The following LSP1 variants were observed in gnomAD, a reference collection of about 807,000 sequenced individuals.
LSP1 encodes the protein lymphocyte-specific protein 1.
In LSP1, 32 loss-of-function variants were observed where a neutral mutation model predicts 49.3. That is an observed-to-expected ratio of 0.65 (90% CI 0.49 to 0.87). LSP1 has a LOEUF of 0.87. LSP1 is among the 40% of genes least tolerant of loss of function. LSP1 has a pLI of 0.00. For synonymous variants in LSP1, 179 were observed against 178.8 expected, an observed-to-expected ratio of 1.00 and a Z score of -0.01; for missense variants, 428 against 442.6, an observed-to-expected ratio of 0.97 and a Z score of 0.30.
Position 1,880,131 on chromosome 11 carries a change from A to G in LSP1, c.98A>G (p.His33Arg). ...GTGGAGGACGAGGAGGAGGCCGTCC[A>G]CGAGCAATGCCAGCATGAGAGAGAC... The part of the protein sequence containing the change: ...WSVEDEEEAV[H>R]EQCQHERDRQ... The change falls in exon 2 of 11, where the codon CAC becomes CGC. Residue 33 changes from histidine to arginine, a missense_variant. Coordinates refer to ENST00000311604, the MANE Select transcript of LSP1 (RefSeq NM_002339.3). 1.2e-6 allele frequency: 2 copies of G among 1,609,156 alleles called. No homozygotes were observed. The highest frequency in any genetic ancestry group is 1.7e-6 in the Non-Finnish European group (2 of 1,177,238).
At position 1,874,065 on chromosome 11, in the gene LSP1, G is replaced by C. The variant is rs375940923; in HGVS notation, c.54-6022G>C. On this transcript the variant is annotated intron_variant, in intron 1 of 10. Transcript: ENST00000311604. The stretch of plus-strand genomic sequence containing the variant: ...GGAGGGAGGCTGGCAGAGCAGGGAG[G>C]CCGGCAGAGGAGGGAGGCCGGCAGA... Among the ~76,000 whole-genome samples, 258 of 93,924 alleles carry C rather than the reference G, an allele frequency of 2.7e-3. 10 individuals are homozygous for C. Among genetic ancestry groups the C allele is most frequent in the Non-Finnish European group, 3.8e-3 (153 of 40,566 alleles). The allele number at this position is 93,924 out of a possible 152,430, so 61.6% of individuals were successfully genotyped here.
At chr11:1,870,074 C>T (rs1028097816) in intron 1 of LSP1, 17 of 449,122 alleles carry the variant, frequency 3.8e-5, no homozygotes, top group Middle Eastern at 6.1e-4. Context: ...GCGCCCCTGG[C>T]GACCATTGTG....
intron 1 of LSP1, among the ~76,000 whole-genome samples, chr11:1,856,550 C>T (rs557910162): frequency 6.6e-6 from 1 of 152,246 alleles, no homozygotes; most frequent in Non-Finnish European, 1.5e-5. Flanking sequence ...GAGCCTCCCT[C>T]GCTTCTCTGT....
chr11:1,888,901 T>C (rs914950776), intron 10 of LSP1: 28 of 441,752 alleles, frequency 6.3e-5, no homozygotes, highest in Middle Eastern at 1.1e-3. Context: ...CCCTTCTCTG[T>C]TCCCCTCACA....
chr11:1,889,243 C>T, intron 10 of LSP1: 1 of 675,004 alleles, frequency 1.5e-6, no homozygotes, highest in South Asian at 1.6e-5. Context: ...CGGGTGGCCT[C>T]CTGCAGCTTC....
chr11:1,889,946 G>T (rs1263738692), intron 10 of LSP1: 1 of 630,254 alleles, frequency 1.6e-6, no homozygotes, highest in Admixed American at 2.8e-5. Flanking sequence ...GGGGACTTGG[G>T]GTGGCATCTC....
At chr11:1,870,556 G>C in intron 1 of LSP1, 2 of 1,162,706 alleles carry the variant, frequency 1.7e-6, no homozygotes, top group African/African-American at 3.2e-5. Context: ...CCTGGCTGCT[G>C]GGTGCTACGG....
At chr11:1,875,209 C>T (rs1019408788) in intron 1 of LSP1, among the ~76,000 whole-genome samples, 55 of 152,298 alleles carry the variant, frequency 3.6e-4, no homozygotes, top group Admixed American at 3.1e-3. Context: ...CCCATCAACC[C>T]GCTGAGGAGT....
At chr11:1,886,449 C>T (rs1848752574) in intron 7 of LSP1, among the ~76,000 whole-genome samples, 1 of 152,212 alleles carries the variant, frequency 6.6e-6, no homozygotes, top group African/African-American at 2.4e-5. Flanking sequence ...CTCCATCCAT[C>T]CCATGGTCCC....
intron 1 of LSP1, among the ~76,000 whole-genome samples, chr11:1,854,528 C>G (rs1215352945): frequency 1.3e-5 from 2 of 152,204 alleles, no homozygotes; most frequent in African/African-American, 4.8e-5. Context: ...GGGTCTGCAT[C>G]TCTGACTTCT....
At position 1,880,132 on chromosome 11, in the gene LSP1, C is replaced by T. The variant is rs150172209; in HGVS notation, c.99C>T (p.His33=). The change falls in exon 2 of 11, where the codon CAC becomes CAT. Residue 33 remains histidine (H), a synonymous_variant. Coordinates refer to ENST00000311604, the MANE Select transcript of LSP1 (RefSeq NM_002339.3). The part of the protein sequence containing the change: ...WSVEDEEEAV[H]EQCQHERDRQ... ...TGGAGGACGAGGAGGAGGCCGTCCA[C>T]GAGCAATGCCAGCATGAGAGAGACA... 51 of 1,608,726 alleles carry T rather than the reference C, an allele frequency of 3.2e-5. No individual in the cohort carries two copies. The highest frequency in any genetic ancestry group is 1.5e-4 in the South Asian group (14 of 90,516).
At chr11:1,887,726 A>G (rs1326262653) in intron 10 of LSP1, 150 bp downstream of exon 10, 131 of 598,522 alleles carry the variant, frequency 2.2e-4, no homozygotes, top group Non-Finnish European at 9.8e-5. Flanking sequence ...TCAGTCTCCC[A>G]GTCCTGTGCA....
At chr11:1,887,100 T>C in intron 8 of LSP1, 137 bp from the exon 9 acceptor site, 1 of 944,710 alleles carries the variant, frequency 1.1e-6, no homozygotes, top group Non-Finnish European at 1.6e-6. Context: ...TCCACTGGGA[T>C]CACACAGAAA....
intron 10 of LSP1, chr11:1,889,167 G>A (rs972204373): frequency 1.0e-5 from 7 of 671,074 alleles, no homozygotes; most frequent in East Asian, 2.8e-5. Flanking sequence ...CCAGCCAGTC[G>A]CTGTGCGGTT....
chr11:1,870,883 G>GC, intron 1 of LSP1: 1 of 986,216 alleles, frequency 1.0e-6, no homozygotes, highest in African/African-American at 1.7e-5. Context: ...CAAGAGCTCT[G>GC]CCAGGGCAGT....
intron 2 of LSP1, chr11:1,880,759 C>G (rs1228614624): frequency 6.5e-6 from 1 of 153,304 alleles, no homozygotes; most frequent in East Asian, 1.9e-4. Flanking sequence ...ACCAAGGGCC[C>G]CAGCTATCCA....
At chr11:1,871,738 G>A (rs910202980) in intron 1 of LSP1, among the ~76,000 whole-genome samples, 38 of 152,050 alleles carry the variant, frequency 2.5e-4, no homozygotes, top group African/African-American at 8.7e-4. Flanking sequence ...TTTGGGAGGG[G>A]GGTGTGTGTG....
intron 1 of LSP1, chr11:1,870,173 C>A: frequency 1.2e-6 from 1 of 850,490 alleles, no homozygotes; most frequent in Non-Finnish European, 1.7e-6. Flanking sequence ...AAGGCCGGTC[C>A]ACTTGACCTC....
intron 1 of LSP1, chr11:1,864,082 G>C (rs1397913439): frequency 3.2e-6 from 2 of 618,046 alleles, no homozygotes; most frequent in Non-Finnish European, 4.0e-6. Flanking sequence ...GGAGGGGAGG[G>C]GAAGGGAGGG....
Sources: gnomAD v4.1 joint callset for allele counts (sites outside exome capture counted in the v4.1 genomes callset) on GRCh38, gnomAD v4.1.1 for gene constraint, MANE v1.5 for transcripts, NCBI Gene and HGNC (gene_info 2026-07-23, HGNC 2026-07-21) for gene names.